Variants in BTBD7 observed in about 807,000 individuals in gnomAD.
BTBD7 encodes the protein BTB domain containing 7.
BTBD7 carries 38 observed loss-of-function variants against 99.9 expected under a neutral mutation model. The ratio of observed to expected loss-of-function variants is 0.38; its 90% confidence interval spans 0.29 to 0.50. BTBD7 has a LOEUF of 0.50. Ranked by LOEUF, BTBD7 falls within the 20% of genes least tolerant of loss-of-function variation. The probability of loss-of-function intolerance (pLI) is 0.93; values close to 1 mark genes in which losing one functional copy is unlikely to be tolerated. For missense variants in BTBD7, 1,170 were observed against 1,394.6 expected (o/e 0.84, Z 2.57); for synonymous variants, 520 against 511.4 (o/e 1.02, Z -0.23).
intron 1 of BTBD7, among the ~76,000 whole-genome samples, chr14:93,299,242 C>A (rs546734258): frequency 6.6e-6 from 1 of 152,312 alleles, no homozygotes; most frequent in East Asian, 1.9e-4. Context: ...AAAATCCTCA[C>A]AATTAACTCA....
At chr14:93,291,969 C>A (rs1322726123) in intron 3 of BTBD7, among the ~76,000 whole-genome samples, 6 of 152,068 alleles carry the variant, frequency 3.9e-5, no homozygotes, top group Non-Finnish European at 7.4e-5. Flanking sequence ...GGTGGATCAC[C>A]TGAGGTTAGG....
chr14:93,305,865 G>A (rs1041222816), intron 1 of BTBD7, among the ~76,000 whole-genome samples: 1 of 152,162 alleles, frequency 6.6e-6, no homozygotes. Context: ...CCCTAACATG[G>A]CTGAGGGCAC....
chr14:93,292,298 GT>G lies in BTBD7; in HGVS notation c.1162+1559del, dbSNP rs906764379. Among the ~76,000 whole-genome samples, 589 of 148,592 alleles carry G rather than the reference GT, an allele frequency of 4.0e-3. 2 individuals carry two copies. Among genetic ancestry groups the G allele is most frequent in the Middle Eastern group, 0.01 (3 of 288 alleles). On this transcript the variant is annotated intron_variant, in intron 3 of 10. Transcript: ENST00000334746. ...AATAAAAATATTTTGAGAAAATATA[GT>G]TTTTTTTTTGGTAATGTTGCAAACT...
At position 93,254,040 on chromosome 14, in the gene BTBD7, C is replaced by T. The variant is rs564736388; in HGVS notation, c.1609-250G>A. 5.9e-4 allele frequency among the ~76,000 whole-genome samples: 89 copies of T among 151,688 alleles called. 3 individuals are homozygous for T. The South Asian group carries it at 0.017, about 30-fold the overall frequency. ...GCAACCTCCGTCTCCTGGATTCAAG[C>T]GATTCTCCTGCCTCAGCCTCCCGAG... On this transcript the variant is annotated intron_variant, in intron 6 of 10. Transcript: ENST00000334746.
rs185074026 is a variant in BTBD7, at chr14:93,297,292, T to C, written c.-106-1135A>G. Among the ~76,000 whole-genome samples, 61 of 152,384 alleles carry C rather than the reference T, an allele frequency of 4.0e-4. No individual in the cohort carries two copies. The East Asian group carries it at 0.011, about 28-fold the overall frequency. Reference sequence around the variant, plus strand: ...AAAAATATCGTTAACATTTGTGTTTTCCTACAATCTTTTATAGACTATATT... The same window carrying C: ...AAAAATATCGTTAACATTTGTGTTTCCCTACAATCTTTTATAGACTATATT... On this transcript the variant is annotated intron_variant, in intron 1 of 10. Coordinates refer to ENST00000334746, the MANE Select transcript of BTBD7 (RefSeq NM_001002860.4).
At chr14:93,282,482 G>A (rs1051961320) in intron 3 of BTBD7, among the ~76,000 whole-genome samples, 12 of 151,912 alleles carry the variant, frequency 7.9e-5, no homozygotes, top group African/African-American at 2.2e-4. Flanking sequence ...ACAGGCATCC[G>A]CCACCACACC....
intron 3 of BTBD7, among the ~76,000 whole-genome samples, chr14:93,285,887 A>C (rs542806767): frequency 8.5e-5 from 13 of 152,326 alleles, no homozygotes; most frequent in South Asian, 8.3e-4. Flanking sequence ...GAGAAAAGGA[A>C]TTTATCTCAA....
At chr14:93,268,772 T>C (rs1377677971) in intron 3 of BTBD7, among the ~76,000 whole-genome samples, 1 of 150,716 alleles carries the variant, frequency 6.6e-6, no homozygotes, top group Non-Finnish European at 1.5e-5. Flanking sequence ...TTTTTTTTTT[T>C]TTTTTGAGAC....
intron 6 of BTBD7, chr14:93,256,063 T>C (rs2052425893): frequency 1.3e-5 from 2 of 152,226 alleles, no homozygotes; most frequent in African/African-American, 4.8e-5. Context: ...AGCCCATAAA[T>C]ACTTCTTGAA....
intron 9 of BTBD7, among the ~76,000 whole-genome samples, chr14:93,247,239 G>A (rs191369184): frequency 9.2e-5 from 14 of 152,266 alleles, no homozygotes; most frequent in Admixed American, 7.8e-4. Flanking sequence ...TATTGCCCAG[G>A]CTAGTCTTAA....
At chr14:93,310,770 C>CTTTTTTTT (rs56756515) in intron 1 of BTBD7, among the ~76,000 whole-genome samples, 2 of 116,660 alleles carry the variant, frequency 1.7e-5, no homozygotes, top group African/African-American at 7.2e-5. Context: ...AACCAAAAAA[C>CTTTTTTTT]TTTTTTTTTT....
chr14:93,276,607 C>G (rs941221528), intron 3 of BTBD7, among the ~76,000 whole-genome samples: 3 of 152,156 alleles, frequency 2.0e-5, no homozygotes, highest in Non-Finnish European at 4.4e-5. Flanking sequence ...CAAGTGAATA[C>G]TGGAAATGAG....
Position 93,289,256 on chromosome 14 carries a change from C to T in BTBD7, c.1162+4602G>A, listed in dbSNP as rs529564723. ...GAATTAGTAGGGAATACTTGGCTCA[C>T]TATATGCAGAAGAACAAAACCACAT... On this transcript the variant is annotated intron_variant, in intron 3 of 10. Transcript: ENST00000334746. 5.3e-5 allele frequency among the ~76,000 whole-genome samples: 8 copies of T among 152,266 alleles called. No homozygotes were observed. The South Asian group carries it at 1.5e-3, about 28-fold the overall frequency.
chr14:93,295,745 A>C (rs1054673497), intron 2 of BTBD7, among the ~76,000 whole-genome samples: 8 of 152,234 alleles, frequency 5.3e-5, no homozygotes, highest in African/African-American at 1.7e-4. Context: ...GGTAATTGGC[A>C]ATTATGGTTA....
chr14:93,318,932 G>A (rs1325293071), intron 1 of BTBD7, among the ~76,000 whole-genome samples: 2 of 152,188 alleles, frequency 1.3e-5, no homozygotes, highest in Non-Finnish European at 2.9e-5. Context: ...TAAATGAGGT[G>A]CAAGCTAGAT....
intron 3 of BTBD7, chr14:93,288,174 CT>C (rs1241847534): frequency 1.6e-5 from 4 of 252,520 alleles, no homozygotes; most frequent in Non-Finnish European, 3.0e-5. Flanking sequence ...GAAAAAGAAA[CT>C]TTTTATATAG....
intron 5 of BTBD7, among the ~76,000 whole-genome samples, chr14:93,257,581 G>T (rs914679856): frequency 6.6e-6 from 1 of 152,226 alleles, no homozygotes; most frequent in Non-Finnish European, 1.5e-5. Context: ...TTTTATCACT[G>T]CTCTGCAATA....
intron 5 of BTBD7, among the ~76,000 whole-genome samples, chr14:93,257,942 GT>G (rs2052448004): frequency 6.7e-6 from 1 of 148,382 alleles, no homozygotes. Context: ...TCTTTGACAT[GT>G]AATATATGTC....
rs1322139817 is a variant in BTBD7, at chr14:93,242,814, C to A, written c.2858G>T (p.Cys953Phe). The change falls in exon 11 of 11, where the codon TGC becomes TTC. Residue 953 changes from cysteine to phenylalanine, a missense_variant. Transcript: ENST00000334746. The stretch of plus-strand genomic sequence containing the variant: ...GCTGAGAGCAGGAGTAGAAGGTCTG[C>A]AAGCAGCATTTGAGAAGTCATAGAA... Reference protein sequence around the residue: ...PDFYDFSNAACRPSTPALSRR... With the variant: ...PDFYDFSNAAFRPSTPALSRR... 4 of 1,614,170 alleles carry A rather than the reference C, an allele frequency of 2.5e-6. No homozygotes were observed. In the South Asian group the frequency reaches 4.4e-5, roughly 18 times the overall value.
Sources: allele counts gnomAD v4.1 joint callset (sites outside exome capture counted in the v4.1 genomes callset), GRCh38; gene constraint gnomAD v4.1.1; transcripts MANE v1.5; gene names NCBI Gene and HGNC (gene_info 2026-07-23, HGNC 2026-07-21).